The following NACC1 variants were observed in gnomAD, a reference collection of about 807,000 sequenced individuals.
NACC1 encodes nucleus accumbens associated 1.
Under a neutral mutation model 41.7 loss-of-function variants are expected in NACC1, and 6 were observed. The ratio of observed to expected loss-of-function variants is 0.14; its 90% CI spans 0.08 to 0.28. The LOEUF (loss-of-function observed/expected upper bound fraction) is 0.28, where lower values mean the gene tolerates loss of function less well. Among genes scored for constraint, NACC1 ranks in the 10% least tolerant of loss-of-function variants. The probability of loss-of-function intolerance (pLI) is 1.00; values close to 1 mark genes in which losing one functional copy is unlikely to be tolerated. For synonymous variants in NACC1, 338 were observed against 330.6 expected, an observed-to-expected ratio of 1.02 and a Z score of -0.24; for missense variants, 434 against 763.7, an observed-to-expected ratio of 0.57 and a Z score of 5.09.
chr19:13,127,835 A>C (rs1158266581), intron 1 of NACC1, among the ~76,000 whole-genome samples: 1 of 152,130 alleles, frequency 6.6e-6, no homozygotes, highest in African/African-American at 2.4e-5. Context: ...TGACAGAGCA[A>C]GGCCCTGTCT....
At chr19:13,122,552 T>C (rs1157220238) in intron 1 of NACC1, among the ~76,000 whole-genome samples, 1 of 144,498 alleles carries the variant, frequency 6.9e-6, no homozygotes, top group African/African-American at 2.6e-5. Context: ...TGCTGGCATC[T>C]AGTGGGTTTA....
At chr19:13,120,494 G>C (rs1355083772) in intron 1 of NACC1, among the ~76,000 whole-genome samples, 1 of 152,214 alleles carries the variant, frequency 6.6e-6, no homozygotes, top group Non-Finnish European at 1.5e-5. Flanking sequence ...ATGATGGGTT[G>C]TCACCCTAAT....
intron 1 of NACC1, among the ~76,000 whole-genome samples, chr19:13,123,863 C>T (rs2145612921): frequency 6.6e-6 from 1 of 152,292 alleles, no homozygotes; most frequent in South Asian, 2.1e-4. Context: ...GCTACATGTT[C>T]CCCACCTCTG....
chr19:13,119,453 A>AT (rs1449955982), intron 1 of NACC1, among the ~76,000 whole-genome samples: 1 of 152,058 alleles, frequency 6.6e-6, no homozygotes, highest in Non-Finnish European at 1.5e-5. Flanking sequence ...CCCACCTTAT[A>AT]TATCTACAGG....
In NACC1 at chr19:13,138,671, C is replaced by G. The variant is rs2019742291; in HGVS notation, c.*265C>G. The G allele has an allele frequency of 9.5e-6, 5 of 527,304 alleles. No individual in the cohort carries two copies. Among genetic ancestry groups the G allele is most frequent in the Non-Finnish European group, 1.7e-5 (5 of 291,562 alleles). The allele number at this position is 527,304 out of a possible 1,614,324, so 32.7% of individuals were successfully genotyped here. A position where few individuals can be genotyped will look rare whatever the true frequency, so the allele number is the denominator to read the frequency against. On this transcript the variant is annotated 3_prime_UTR_variant, in exon 6 of 6. Transcript: ENST00000292431. The surrounding 1 kb of genome is among the most constrained non-coding windows in gnomAD (Gnocchi z 5.7). Reference sequence around the variant, plus strand: ...GGGAGTTCTGGCTCCCCAACCTAACCCCTAGCCGTCATCTCCACACTCACC... The same window carrying G: ...GGGAGTTCTGGCTCCCCAACCTAACGCCTAGCCGTCATCTCCACACTCACC...
rs574519053 is a variant in NACC1, at chr19:13,137,721, G to A, written c.1324+146G>A. 2.1e-5 allele frequency: 15 copies of A among 722,202 alleles called. No homozygotes were observed. The African/African-American group carries it at 2.3e-4, about 11-fold the overall frequency. The allele number at this position is 722,202 out of a possible 1,614,324, so 44.7% of individuals were successfully genotyped here. A position where few individuals can be genotyped will look rare whatever the true frequency, so the allele number is the denominator to read the frequency against. On this transcript the variant is annotated intron_variant, in intron 5 of 5. Transcript: ENST00000292431. This position sits in a 1 kb window ranked among gnomAD's most constrained non-coding sequence, Gnocchi z 6.1. ...CTAGCCTTGCTGGGAAACCGGCTGT[G>A]ATTGCTTAGAGATTTCTTCGTGTTT...
intron 1 of NACC1, among the ~76,000 whole-genome samples, chr19:13,119,660 TAGAG>T (rs2019464072): frequency 6.6e-6 from 1 of 152,048 alleles, no homozygotes; most frequent in Non-Finnish European, 1.5e-5. Context: ...GGTGAAGAAT[TAGAG>T]GGAATGAGCA....
chr19:13,127,371 C>CTTTTTTTTTTTTTTTTTTTTTTTTTTTT (rs147514422), intron 1 of NACC1, among the ~76,000 whole-genome samples: 2 of 28,510 alleles, frequency 7.0e-5, no homozygotes, highest in African/African-American at 2.6e-4. Flanking sequence ...TATACATATA[C>CTTTTTTTTTTTTTTTTTTTTTTTTTTTT]TTTTTTTTTT....
chr19:13,137,957 A>G lies in NACC1; in HGVS notation c.1325-190A>G, dbSNP rs147345106. On this transcript the variant is annotated intron_variant, in intron 5 of 5. Transcript: ENST00000292431. The surrounding 1 kb of genome is among the most constrained non-coding windows in gnomAD (Gnocchi z 6.1). ...ACACGGGGCCATCCCATCAAAACCA[A>G]CACATCCCCACACATGGCTGAACTC... 6.6e-6 allele frequency among the ~76,000 whole-genome samples: 1 copy of G among 152,344 alleles called. No homozygotes were observed. The highest frequency in any genetic ancestry group is 1.9e-4 in the East Asian group (1 of 5,184).
chr19:13,137,305 G>C lies in NACC1; in HGVS notation c.1155G>C (p.Met385Ile). The C allele has an allele frequency of 1.2e-6, 2 of 1,613,928 alleles. No individual in the cohort carries two copies. The highest frequency in any genetic ancestry group is 1.7e-6 in the Non-Finnish European group (2 of 1,180,006). Residue 385 changes from methionine (M) to isoleucine (I), a missense_variant, in exon 4 of 6, where the codon ATG becomes ATC. Met to Ile is a conservative substitution (Grantham distance 10). This residue lies in a region of NACC1 where 70 missense variants were observed against 206.9 expected (regional missense o/e 0.34). Coordinates refer to ENST00000292431, the MANE Select transcript of NACC1 (RefSeq NM_052876.4). This position sits in a 1 kb window ranked among gnomAD's most constrained non-coding sequence, Gnocchi z 6.1. ...TGTACATCACAAGGGCGCAGCTGAT[G>C]AACTGCCACGTCAGCGCAGGCACGC... Reference protein sequence around the residue: ...TNVYITRAQLMNCHVSAGTRH... With the variant: ...TNVYITRAQLINCHVSAGTRH...
Position 13,138,696 on chromosome 19 carries a change from C to A in NACC1, c.*290C>A. ...CCCTAGCCGTCATCTCCACACTCAC[C>A]AGGCCCACCAGGGGAGGGGGCTGGC... On this transcript the variant is annotated 3_prime_UTR_variant, in exon 6 of 6. Transcript: ENST00000292431. This position sits in a 1 kb window ranked among gnomAD's most constrained non-coding sequence, Gnocchi z 5.7. The A allele has an allele frequency of 2.3e-6, 1 of 443,664 alleles. No homozygotes were observed. The highest frequency in any genetic ancestry group is 4.2e-6 in the Non-Finnish European group (1 of 240,302). 27.5% of individuals were successfully genotyped at this position (443,664 alleles called of 1,614,324 possible). A position where few individuals can be genotyped will look rare whatever the true frequency, so the allele number is the denominator to read the frequency against.
intron 1 of NACC1, among the ~76,000 whole-genome samples, chr19:13,120,654 G>A (rs2019478342): frequency 6.6e-6 from 1 of 152,206 alleles, no homozygotes; most frequent in Non-Finnish European, 1.5e-5. Flanking sequence ...GGCTGGTTGG[G>A]CCAGGATTGC....
At chr19:13,126,569 A>T (rs1213019556) in intron 1 of NACC1, among the ~76,000 whole-genome samples, 1 of 152,114 alleles carries the variant, frequency 6.6e-6, no homozygotes, top group Admixed American at 6.5e-5. Context: ...TACTACTCCC[A>T]GGAATCATCC....
At chr19:13,121,955 G>A (rs1313899493) in intron 1 of NACC1, among the ~76,000 whole-genome samples, 3 of 152,052 alleles carry the variant, frequency 2.0e-5, no homozygotes, top group Non-Finnish European at 4.4e-5. Flanking sequence ...CCCCTGTGCC[G>A]CCTTCCAGCC....
Position 13,128,581 on chromosome 19 carries a change from A to G in NACC1, c.-8-6619A>G, listed in dbSNP as rs566334785. ...CCCTGGAGGTGAAAACCCTTTCTGG[A>G]AGGGCCACACTCCCCATCCACTACT... On this transcript the variant is annotated intron_variant, in intron 1 of 5. Coordinates refer to ENST00000292431, the MANE Select transcript of NACC1 (RefSeq NM_052876.4). 1.6e-4 allele frequency among the ~76,000 whole-genome samples: 25 copies of G among 152,278 alleles called. No homozygotes were observed. In the South Asian group the frequency reaches 5.2e-3, roughly 32 times the overall value.
chr19:13,123,490 G>C (rs2019525630), intron 1 of NACC1, among the ~76,000 whole-genome samples: 1 of 152,204 alleles, frequency 6.6e-6, no homozygotes, highest in African/African-American at 2.4e-5. Flanking sequence ...CTCATTCCCG[G>C]AGATGGTGGT....
Position 13,135,668 on chromosome 19 carries a change from C to T in NACC1, c.461C>T (p.Pro154Leu). ...CCCGTGGCGCAGACATCGGGCTGGC[C>T]AGCCTGTAGCACCCCGCTGCCCCTC... Reference protein sequence around the residue: ...QSPVAQTSGWPACSTPLPLVS... With the variant: ...QSPVAQTSGWLACSTPLPLVS... Residue 154 changes from proline (P) to leucine (L), a missense_variant, in exon 2 of 6, where the codon CCA becomes CTA. Physicochemically the swap from Pro to Leu is moderately conservative, Grantham distance 98 (BLOSUM62 -3). Transcript: ENST00000292431. 1.9e-6 allele frequency: 3 copies of T among 1,556,734 alleles called. No individual in the cohort carries two copies. The highest frequency in any genetic ancestry group is 2.6e-6 in the Non-Finnish European group (3 of 1,154,664).
intron 1 of NACC1, among the ~76,000 whole-genome samples, chr19:13,119,841 C>T (rs564901197): frequency 6.6e-6 from 1 of 152,308 alleles, no homozygotes; most frequent in Non-Finnish European, 1.5e-5. Context: ...GTCGGATGAG[C>T]TCATTGATGG....
In NACC1 at chr19:13,121,252, C is replaced by G. The variant is rs138324368; in HGVS notation, c.-9+2798C>G. Among the ~76,000 whole-genome samples, 11 of 152,232 alleles carry G rather than the reference C, an allele frequency of 7.2e-5. 1 individual carries two copies. Among genetic ancestry groups the G allele is most frequent in the Non-Finnish European group, 1.3e-4 (9 of 68,010 alleles). ...TTCTAGGCTCAGGGGACAGCACATT[C>G]ACAGCTTTTCTTGAGTATGTACCAG... On this transcript the variant is annotated intron_variant, in intron 1 of 5. Transcript: ENST00000292431.
Sources: gnomAD v4.1 joint callset for allele counts (sites outside exome capture counted in the v4.1 genomes callset) on GRCh38, gnomAD v4.1.1 for gene constraint, gnomAD v4.1.1 regional missense constraint, Gnocchi (gnomAD v3.1) non-coding constraint, MANE v1.5 for transcripts, NCBI Gene and HGNC (gene_info 2026-07-23, HGNC 2026-07-21) for gene names.